Variants in SLCO1C1 observed in about 807,000 individuals in gnomAD.
SLCO1C1 encodes the protein solute carrier organic anion transporter family member 1C1, also known as OAT-RP-5.
A neutral mutation model predicts 76.4 loss-of-function variants in SLCO1C1; 70 were observed. That is an observed-to-expected ratio of 0.92 (90% CI 0.76 to 1.12). The LOEUF is 1.12. SLCO1C1 is among the 50% of genes most tolerant of loss of function. The probability of loss-of-function intolerance (pLI) is 0.00; values close to 1 mark genes in which losing one functional copy is unlikely to be tolerated. For synonymous variants in SLCO1C1, 306 were observed against 286.1 expected, an observed-to-expected ratio of 1.07 and a Z score of -0.70; for missense variants, 912 against 823.8, an observed-to-expected ratio of 1.11 and a Z score of -1.31.
chr12:20,738,606 CT>C (rs1277431131), intron 11 of SLCO1C1, among the ~76,000 whole-genome samples: 5 of 152,174 alleles, frequency 3.3e-5, no homozygotes, highest in Admixed American at 1.3e-4. Flanking sequence ...TCATGCTTCT[CT>C]TTTTTTCTTT....
At chr12:20,726,891 T>A (rs1262775270) in intron 9 of SLCO1C1, among the ~76,000 whole-genome samples, 1 of 152,198 alleles carries the variant, frequency 6.6e-6, no homozygotes, top group Non-Finnish European at 1.5e-5. Flanking sequence ...TCCCATTGTC[T>A]GTTGTTCCCA....
intron 8 of SLCO1C1, 74 bp downstream of exon 8, chr12:20,722,123 C>T: frequency 6.7e-7 from 1 of 1,499,996 alleles, no homozygotes; most frequent in Non-Finnish European, 8.8e-7. Flanking sequence ...AATTACATCC[C>T]TCTCTTCCCT....
In SLCO1C1 at chr12:20,734,596, A is replaced by T. The variant is rs572177150; in HGVS notation, c.1382+1492A>T. ...TCCTTGTTTAAAAGAAACTGCATGG[A>T]TCTGGGGTTTGAACACAGGCGTGAC... On this transcript the variant is annotated intron_variant, in intron 10 of 14. Transcript: ENST00000266509. Among the ~76,000 whole-genome samples the T allele has an allele frequency of 2.0e-5, 3 of 152,304 alleles. No individual in the cohort carries two copies. The South Asian group carries it at 6.2e-4, about 32-fold the overall frequency.
intron 10 of SLCO1C1, among the ~76,000 whole-genome samples, chr12:20,735,554 TAAC>T (rs1358119020): frequency 3.3e-5 from 5 of 152,304 alleles, no homozygotes; most frequent in Admixed American, 2.6e-4. Context: ...CAGTCTCAGT[TAAC>T]AATTAAAATT....
intron 11 of SLCO1C1, among the ~76,000 whole-genome samples, 168 bp from the exon 12 acceptor site, chr12:20,740,016 A>G (rs1948725825): frequency 6.6e-6 from 1 of 152,192 alleles, no homozygotes; most frequent in Non-Finnish European, 1.5e-5. Flanking sequence ...GAAATGTTGT[A>G]TCTATATAGA....
At chr12:20,718,884 A>G (rs1484705730) in intron 7 of SLCO1C1, among the ~76,000 whole-genome samples, 1 of 151,774 alleles carries the variant, frequency 6.6e-6, no homozygotes, top group Non-Finnish European at 1.5e-5. Flanking sequence ...TCCAAAATGC[A>G]CTCTCTTTCC....
At chr12:20,717,325 A>C in intron 7 of SLCO1C1, 95 bp downstream of exon 7, 3 of 959,738 alleles carry the variant, frequency 3.1e-6, no homozygotes, top group Non-Finnish European at 4.6e-6. Flanking sequence ...CCTTTTTATA[A>C]AATGATGGAG....
chr12:20,699,058 G>A (rs1356053621), intron 1 of SLCO1C1, among the ~76,000 whole-genome samples: 1 of 151,932 alleles, frequency 6.6e-6, no homozygotes. Context: ...ATATTTTAAG[G>A]CTCACATTGG....
intron 12 of SLCO1C1, among the ~76,000 whole-genome samples, chr12:20,740,819 G>GTA (rs1948783566): frequency 3.0e-5 from 2 of 65,962 alleles, no homozygotes; most frequent in Non-Finnish European, 5.1e-5. Flanking sequence ...ATATATATAT[G>GTA]GCTTTATCTG....
intron 2 of SLCO1C1, 24 bp downstream of exon 2, chr12:20,699,729 G>A: frequency 1.9e-6 from 3 of 1,588,288 alleles, no homozygotes; most frequent in Middle Eastern, 1.7e-4. Context: ...GAAGTAAATA[G>A]TGTTGATGCT....
chr12:20,741,129 A>T (rs1332577999), intron 12 of SLCO1C1, among the ~76,000 whole-genome samples: 1 of 151,998 alleles, frequency 6.6e-6, no homozygotes, highest in African/African-American at 2.4e-5. Flanking sequence ...TAAAACCATC[A>T]GATCTTGTGA....
At chr12:20,727,977 T>G (rs540256608) in intron 9 of SLCO1C1, among the ~76,000 whole-genome samples, 74 of 152,348 alleles carry the variant, frequency 4.9e-4, no homozygotes, top group Non-Finnish European at 8.7e-4. Flanking sequence ...GAATTTCTTT[T>G]TACTTCCTTG....
Position 20,752,511 on chromosome 12 carries a change from A to G in SLCO1C1, c.2122A>G (p.Lys708Glu). 6.3e-7 allele frequency: 1 copy of G among 1,584,982 alleles called. No individual in the cohort carries two copies. Among genetic ancestry groups the G allele is most frequent in the Non-Finnish European group, 8.6e-7 (1 of 1,164,960 alleles). Residue 708 changes from lysine to glutamate, a missense_variant, in exon 15 of 15, where the codon AAG (lysine) becomes GAG (glutamate). Coordinates refer to ENST00000266509, the MANE Select transcript of SLCO1C1 (RefSeq NM_017435.5). ...GCTACAACCCAACTACTGGCCAGGC[A>G]AGGAAACTCAACTTTAGAAACATGA... ...HLLQPNYWPG[K>E]ETQL
At chr12:20,699,430 GACA>G in intron 1 of SLCO1C1, 119 bp from the exon 2 acceptor site, 1 of 803,798 alleles carries the variant, frequency 1.2e-6, no homozygotes. Flanking sequence ...AACTTACTGT[GACA>G]ACAAAAGGTA....
chr12:20,723,478 C>A (rs1023455811), intron 9 of SLCO1C1, among the ~76,000 whole-genome samples: 1 of 152,046 alleles, frequency 6.6e-6, no homozygotes, highest in Non-Finnish European at 1.5e-5. Flanking sequence ...ATGAAACATG[C>A]ATTTTATGAG....
In SLCO1C1 at chr12:20,709,996, A is replaced by G. The variant is rs570195060; in HGVS notation, c.405-1390A>G. Among the ~76,000 whole-genome samples the G allele has an allele frequency of 1.4e-3, 218 of 151,490 alleles. 2 individuals carry two copies. Among genetic ancestry groups the G allele is most frequent in the African/African-American group, 5.2e-3 (213 of 41,298 alleles). ...GGTCAAGGAACCCTTTGATAAAATT[A>G]TAAAACCTGTAACCCTCTTCTCTTA... On this transcript the variant is annotated intron_variant, in intron 4 of 14. Coordinates refer to ENST00000266509, the MANE Select transcript of SLCO1C1 (RefSeq NM_017435.5).
At position 20,715,401 on chromosome 12, in the gene SLCO1C1, T is replaced by C. The variant is rs1439112591; in HGVS notation, c.676+116T>C. The C allele has an allele frequency of 3.5e-6, 4 of 1,141,968 alleles. No homozygotes were observed. In the South Asian group the frequency reaches 6.3e-5, roughly 18 times the overall value. The allele number at this position is 1,141,968 out of a possible 1,614,324, so 70.7% of individuals were successfully genotyped here. Reference sequence around the variant, plus strand: ...CTTTTTATACTTCATATCCAACTCCTTTATTTAGCTCACACATTTCTGAAG... The same window carrying C: ...CTTTTTATACTTCATATCCAACTCCCTTATTTAGCTCACACATTTCTGAAG... On this transcript the variant is annotated intron_variant, in intron 6 of 14. Coordinates refer to ENST00000266509, the MANE Select transcript of SLCO1C1 (RefSeq NM_017435.5).
At chr12:20,728,914 G>A (rs927563831) in intron 9 of SLCO1C1, among the ~76,000 whole-genome samples, 3 of 152,146 alleles carry the variant, frequency 2.0e-5, no homozygotes, top group Admixed American at 1.3e-4. Context: ...GCTCTTAAAT[G>A]TATCTAAGGT....
rs1946230195 is a variant in SLCO1C1 at position 20,695,550 on chromosome 12, C to G, written c.-283C>G. On this transcript the variant is annotated 5_prime_UTR_variant, in exon 1 of 15. Coordinates refer to ENST00000266509, the MANE Select transcript of SLCO1C1 (RefSeq NM_017435.5). ...AGTGGCCTTGCCAGCGTGGCCAATTCTCTGCTGACTGCCAGAAAAAAGAGG... is the reference window on the plus strand; with the variant it reads ...AGTGGCCTTGCCAGCGTGGCCAATTGTCTGCTGACTGCCAGAAAAAAGAGG... 6.6e-6 allele frequency: 1 copy of G among 152,150 alleles called. No individual in the cohort carries two copies. Among genetic ancestry groups the G allele is most frequent in the African/African-American group, 2.4e-5 (1 of 41,426 alleles). 9.4% of individuals were successfully genotyped at this position (152,150 alleles called of 1,614,324 possible). A position where few individuals can be genotyped will look rare whatever the true frequency, so the allele number is the denominator to read the frequency against.
Sources: gnomAD v4.1 joint callset for allele counts (sites outside exome capture counted in the v4.1 genomes callset) on GRCh38, gnomAD v4.1.1 for gene constraint, MANE v1.5 for transcripts, NCBI Gene and HGNC (gene_info 2026-07-23, HGNC 2026-07-21) for gene names.